HEG1: variants seen among roughly 807,000 people sequenced by gnomAD.
HEG1 encodes the protein protein HEG homolog 1.
Under a neutral mutation model 125.6 loss-of-function variants are expected in HEG1, and 56 were observed. The ratio of observed to expected loss-of-function variants is 0.45; its 90% CI spans 0.36 to 0.56. The LOEUF (loss-of-function observed/expected upper bound fraction) is 0.56, where lower values mean the gene tolerates loss of function less well. Ranked by LOEUF, HEG1 falls within the 20% of genes least tolerant of loss-of-function variation. The probability of loss-of-function intolerance (pLI) is 0.00; values close to 1 mark genes in which losing one functional copy is unlikely to be tolerated. For missense variants in HEG1, 1,523 were observed against 1,670.0 expected (o/e 0.91, Z 1.53); for synonymous variants, 644 against 668.5 (o/e 0.96, Z 0.57).
chr3:124,978,627 T>G (rs934408638), intron 14 of HEG1, among the ~76,000 whole-genome samples: 5 of 152,124 alleles, frequency 3.3e-5, no homozygotes, highest in African/African-American at 1.2e-4. Context: ...AAGATTTTTG[T>G]CCTTTCTACT....
chr3:125,054,033 C>T (rs1937873571), intron 1 of HEG1, among the ~76,000 whole-genome samples: 1 of 152,252 alleles, frequency 6.6e-6, no homozygotes, highest in Non-Finnish European at 1.5e-5. Flanking sequence ...AGAAATCTGC[C>T]TTCGGCTCTT....
At chr3:125,006,394 C>T (rs574836581) in intron 8 of HEG1, among the ~76,000 whole-genome samples, 103 of 152,268 alleles carry the variant, frequency 6.8e-4, no homozygotes, top group African/African-American at 2.3e-3. Flanking sequence ...ATTGCTGGCT[C>T]TTATCTTCCT....
At chr3:125,042,123 A>G (rs1290980770) in intron 1 of HEG1, among the ~76,000 whole-genome samples, 1 of 152,228 alleles carries the variant, frequency 6.6e-6, no homozygotes, top group Non-Finnish European at 1.5e-5. Flanking sequence ...TTTTACTACA[A>G]TAAGAAATGT....
chr3:124,988,697 T>C (rs1936783872), intron 14 of HEG1, among the ~76,000 whole-genome samples: 1 of 152,124 alleles, frequency 6.6e-6, no homozygotes, highest in African/African-American at 2.4e-5. Flanking sequence ...GGTGGGCGGA[T>C]TACAAGGTCA....
chr3:125,019,387 A>T lies in HEG1; in HGVS notation c.1463T>A (p.Phe488Tyr), dbSNP rs760692262. 76 of 1,613,884 alleles carry T rather than the reference A, an allele frequency of 4.7e-5. No homozygotes were observed. Among genetic ancestry groups the T allele is most frequent in the Non-Finnish European group, 6.4e-5 (75 of 1,179,882 alleles). Reference protein sequence around the residue: ...EGVNASVLTQFSDSTVQSGGS... With the variant: ...EGVNASVLTQYSDSTVQSGGS... ...TCCAGACTGTACAGTAGAGTCTGAGAACTGGGTCAACACTGAAGCATTCAC... is the reference window on the plus strand; with the variant it reads ...TCCAGACTGTACAGTAGAGTCTGAGTACTGGGTCAACACTGAAGCATTCAC... The change falls in exon 5 of 17, where the codon TTC becomes TAC. Residue 488 changes from phenylalanine (F) to tyrosine (Y), a missense_variant. Phe to Tyr is a conservative substitution (Grantham distance 22). Coordinates refer to ENST00000311127, the MANE Select transcript of HEG1 (RefSeq NM_020733.2).
At chr3:125,034,435 A>T (rs1937534266) in intron 1 of HEG1, among the ~76,000 whole-genome samples, 1 of 39,400 alleles carries the variant, frequency 2.5e-5, no homozygotes, top group African/African-American at 7.3e-5. Flanking sequence ...TCTAGAAATA[A>T]AAAAAGTAAT....
chr3:125,038,306 A>AC (rs796183066), intron 1 of HEG1, among the ~76,000 whole-genome samples: 2 of 152,320 alleles, frequency 1.3e-5, no homozygotes, highest in South Asian at 2.1e-4. Context: ...AGAGCTTAGG[A>AC]CGCACAGCGT....
chr3:125,035,896 C>A (rs1937543532), intron 1 of HEG1, among the ~76,000 whole-genome samples: 1 of 151,928 alleles, frequency 6.6e-6, no homozygotes, highest in South Asian at 2.1e-4. Context: ...ACTTTGAGTT[C>A]TGTGAAAAAT....
At chr3:125,040,699 G>A (rs1452393774) in intron 1 of HEG1, among the ~76,000 whole-genome samples, 2 of 137,160 alleles carry the variant, frequency 1.5e-5, no homozygotes, top group Non-Finnish European at 3.3e-5. Flanking sequence ...CACAGGGAGG[G>A]GAGAAAACAG....
chr3:124,973,411 G>A (rs892923117), intron 16 of HEG1, among the ~76,000 whole-genome samples: 88 of 152,252 alleles, frequency 5.8e-4, no homozygotes, highest in African/African-American at 1.3e-3. Flanking sequence ...AAGGGCCAAA[G>A]GCTAAATATC....
intron 3 of HEG1, among the ~76,000 whole-genome samples, chr3:125,025,797 A>G (rs1937407017): frequency 6.6e-6 from 1 of 152,244 alleles, no homozygotes; most frequent in Non-Finnish European, 1.5e-5. Context: ...TGCAGCTTTT[A>G]TCCAATCCAA....
chr3:125,010,104 C>T (rs138496912), intron 7 of HEG1, among the ~76,000 whole-genome samples: 3 of 152,328 alleles, frequency 2.0e-5, no homozygotes, highest in African/African-American at 7.2e-5. Flanking sequence ...CACATAACAT[C>T]TGGACTACAA....
intron 1 of HEG1, among the ~76,000 whole-genome samples, chr3:125,034,083 G>C (rs185115139): frequency 0.011 from 1,374 of 128,990 alleles, 12 homozygotes; most frequent in Non-Finnish European, 0.017. Context: ...TGTTAATAAT[G>C]GGGCAGGGGC....
chr3:125,039,209 C>A (rs1937572556), intron 1 of HEG1, among the ~76,000 whole-genome samples: 1 of 152,030 alleles, frequency 6.6e-6, no homozygotes, highest in South Asian at 2.1e-4. Context: ...ACAACTTCCA[C>A]TTCTGTAGCG....
chr3:125,016,087 G>A (rs1053230659), intron 5 of HEG1, among the ~76,000 whole-genome samples: 19 of 152,310 alleles, frequency 1.2e-4, no homozygotes, highest in African/African-American at 3.9e-4. Flanking sequence ...ATCTAAGTAC[G>A]ATTTCTCTGG....
chr3:125,042,359 C>G (rs146525739), intron 1 of HEG1, among the ~76,000 whole-genome samples: 2 of 151,946 alleles, frequency 1.3e-5, no homozygotes, highest in Non-Finnish European at 2.9e-5. Flanking sequence ...ACCTGGGAGG[C>G]GGAGGTTTCA....
chr3:125,039,861 A>T (rs954455608), intron 1 of HEG1, among the ~76,000 whole-genome samples: 1 of 152,084 alleles, frequency 6.6e-6, no homozygotes, highest in Non-Finnish European at 1.5e-5. Context: ...AACAAAAAAA[A>T]ACAAGTCCCC....
At chr3:125,024,099 T>C (rs759945158) in intron 3 of HEG1, among the ~76,000 whole-genome samples, 2 of 152,212 alleles carry the variant, frequency 1.3e-5, no homozygotes, top group African/African-American at 4.8e-5. Flanking sequence ...AGAAATACTT[T>C]CATAAGTTGA....
At chr3:124,991,422 A>G (rs1001819556) in intron 12 of HEG1, among the ~76,000 whole-genome samples, 26 of 152,284 alleles carry the variant, frequency 1.7e-4, no homozygotes, top group African/African-American at 6.0e-4. Flanking sequence ...AAGTGCTGGG[A>G]TTACAGGCAT....
Sources: allele counts gnomAD v4.1 joint callset (sites outside exome capture counted in the v4.1 genomes callset), GRCh38; gene constraint gnomAD v4.1.1; transcripts MANE v1.5; gene names NCBI Gene and HGNC (gene_info 2026-07-23, HGNC 2026-07-21).